Variants in MIF4GD observed in about 807,000 individuals in gnomAD.
MIF4GD encodes the protein MIF4G domain containing.
In MIF4GD, 22 loss-of-function variants were observed where a neutral mutation model predicts 26.7. The observed-to-expected ratio is 0.82, with a 90% CI of 0.59 to 1.18. The LOEUF is 1.18. MIF4GD is among the 50% of genes most tolerant of loss of function. MIF4GD has a pLI of 0.00. For missense variants in MIF4GD, 262 were observed against 279.6 expected (o/e 0.94, Z 0.45); for synonymous variants, 137 against 111.6 (o/e 1.23, Z -1.43).
Position 75,270,408 on chromosome 17 carries a change from G to C in MIF4GD, c.-50-163C>G. 5 of 568,446 alleles carry C rather than the reference G, an allele frequency of 8.8e-6. No homozygotes were observed. The South Asian group carries it at 9.7e-5, about 11-fold the overall frequency. 35.2% of individuals were successfully genotyped at this position (568,446 alleles called of 1,614,324 possible). A position where few individuals can be genotyped will look rare whatever the true frequency, so the allele number is the denominator to read the frequency against. ...AGGCCCACCAGGCTTGGCTTCTGGTGGGGACTGGGCATCAGCCAGGCACCT... is the reference window on the plus strand; with the variant it reads ...AGGCCCACCAGGCTTGGCTTCTGGTCGGGACTGGGCATCAGCCAGGCACCT... On this transcript the variant is annotated intron_variant, in intron 1 of 5. Transcript: ENST00000325102. This position sits in a 1 kb window ranked among gnomAD's most constrained non-coding sequence, Gnocchi z 5.7.
rs774469537 is a variant in MIF4GD at position 75,266,744 on chromosome 17, T to A, written c.665A>T (p.Asp222Val). Residue 222 changes from aspartate to valine, a missense_variant, in exon 6 of 6, where the codon GAC becomes GTC. Transcript: ENST00000325102. ...AGGAAGCCCTGATCTGGAGGCCTAG[T>A]CGGAGACTTCGCTGTAGTAATACTT... ...AHKYYYSEVS[D>V] is the part of the protein sequence containing the mutation. 3 of 1,614,180 alleles carry A rather than the reference T, an allele frequency of 1.9e-6. No individual in the cohort carries two copies. In the East Asian group the frequency reaches 6.7e-5, roughly 36 times the overall value.
Position 75,266,460 on chromosome 17 carries a change from G to A in MIF4GD, c.*280C>T. On this transcript the variant is annotated 3_prime_UTR_variant, in exon 6 of 6. Coordinates refer to ENST00000325102, the MANE Select transcript of MIF4GD (RefSeq NM_001370592.1). ...CCCATTTTACAGATGGGTAAACTGAGGCACCAAGGTAGTAGTTGCACTAAT... is the reference window on the plus strand; with the variant it reads ...CCCATTTTACAGATGGGTAAACTGAAGCACCAAGGTAGTAGTTGCACTAAT... The A allele has an allele frequency of 2.0e-6, 1 of 509,130 alleles. No homozygotes were observed. The highest frequency in any genetic ancestry group is 3.6e-6 in the Non-Finnish European group (1 of 278,948). 31.5% of individuals were successfully genotyped at this position (509,130 alleles called of 1,614,324 possible).
At position 75,266,462 on chromosome 17, in the gene MIF4GD, C is replaced by T; in HGVS notation, c.*278G>A. ...CATTTTACAGATGGGTAAACTGAGG[C>T]ACCAAGGTAGTAGTTGCACTAATGG... On this transcript the variant is annotated 3_prime_UTR_variant, in exon 6 of 6. Transcript: ENST00000325102. 1.9e-6 allele frequency: 1 copy of T among 513,390 alleles called. No homozygotes were observed. The highest frequency in any genetic ancestry group is 2.2e-5 in the South Asian group (1 of 45,514). The allele number at this position is 513,390 out of a possible 1,614,324, so 31.8% of individuals were successfully genotyped here. A position where few individuals can be genotyped will look rare whatever the true frequency, so the allele number is the denominator to read the frequency against.
chr17:75,266,254 A>G lies in MIF4GD; in HGVS notation c.*486T>C, dbSNP rs2077481485. On this transcript the variant is annotated 3_prime_UTR_variant, in exon 6 of 6. Transcript: ENST00000325102. ...TTTAGTATCAGAAAAGATTTATTAG[A>G]AAATTCTCACGCTGAACTGGTGTAG... 2 of 392,098 alleles carry G rather than the reference A, an allele frequency of 5.1e-6. No individual in the cohort carries two copies. Among genetic ancestry groups the G allele is most frequent in the Non-Finnish European group, 9.4e-6 (2 of 212,520 alleles). The allele number at this position is 392,098 out of a possible 1,614,324, so 24.3% of individuals were successfully genotyped here. A position where few individuals can be genotyped will look rare whatever the true frequency, so the allele number is the denominator to read the frequency against.
intron 2 of MIF4GD, chr17:75,269,357 C>G (rs892814556): frequency 1.2e-6 from 2 of 1,613,996 alleles, no homozygotes; most frequent in Admixed American, 3.3e-5. Flanking sequence ...CTCTGTACTG[C>G]GTGTTACAGC....
In MIF4GD at chr17:75,266,953, C is replaced by G. The variant is rs2077507622; in HGVS notation, c.456G>C (p.Val152=). Residue 152 remains valine, a synonymous_variant, in exon 6 of 6, where the codon GTG becomes GTC. Coordinates refer to ENST00000325102, the MANE Select transcript of MIF4GD (RefSeq NM_001370592.1). ...GCTCCCCAACCCGGTGCAGCTGCAG[C>G]ACCAAACAGTCCACCTGCAGGCGAC... ...LSKEEEVDCL[V]LQLHRVGEQL... is the part of the protein sequence containing the mutation. 1.2e-6 allele frequency: 2 copies of G among 1,613,814 alleles called. No homozygotes were observed. Among genetic ancestry groups the G allele is most frequent in the African/African-American group, 2.7e-5 (2 of 75,058 alleles).
chr17:75,267,863 AC>A lies in MIF4GD; in HGVS notation c.230del (p.Arg77LeufsTer39). 1 of 1,613,772 alleles carries A rather than the reference AC, an allele frequency of 6.2e-7. No individual in the cohort carries two copies. Among genetic ancestry groups the A allele is most frequent in the African/African-American group, 1.3e-5 (1 of 75,076 alleles). On this transcript the variant is annotated frameshift_variant, in exon 4 of 6. Coordinates refer to ENST00000325102, the MANE Select transcript of MIF4GD (RefSeq NM_001370592.1). LOFTEE classifies it high-confidence loss of function. The stretch of plus-strand genomic sequence containing the variant: ...CCTGCTGCAGCCGGTTGAGGAGTCC[AC>A]GTCGGAAGACACTCTGGCCTGCTTG... ...SKQAGQSVFR[R>X]GLLNRLQQEY...
Position 75,266,638 on chromosome 17 carries a change from C to G in MIF4GD, c.*102G>C, listed in dbSNP as rs2077492658. On this transcript the variant is annotated 3_prime_UTR_variant, in exon 6 of 6. Coordinates refer to ENST00000325102, the MANE Select transcript of MIF4GD (RefSeq NM_001370592.1). ...GTCTAGAAGGGAAGACACTCAAAGT[C>G]TGGAAGGGAAAAGTCTTTGGGTGAG... is the stretch of plus-strand genomic sequence containing the variant. The G allele has an allele frequency of 2.8e-6, 3 of 1,087,910 alleles. No homozygotes were observed. The East Asian group carries it at 7.2e-5, about 26-fold the overall frequency. The allele number at this position is 1,087,910 out of a possible 1,614,324, so 67.4% of individuals were successfully genotyped here. A position where few individuals can be genotyped will look rare whatever the true frequency, so the allele number is the denominator to read the frequency against.
Position 75,266,568 on chromosome 17 carries a change from AG to A in MIF4GD, c.*171del. The A allele has an allele frequency of 1.5e-6, 1 of 676,412 alleles. No homozygotes were observed. The highest frequency in any genetic ancestry group is 2.5e-6 in the Non-Finnish European group (1 of 393,852). 41.9% of individuals were successfully genotyped at this position (676,412 alleles called of 1,614,324 possible). ...TGTGGTGGGGAAAGGGGCTCAGGGC[AG>A]GACCACGGCATAAGTGGGAAACATC... is the stretch of plus-strand genomic sequence containing the variant. On this transcript the variant is annotated 3_prime_UTR_variant, in exon 6 of 6. Transcript: ENST00000325102.
At position 75,267,787 on chromosome 17, in the gene MIF4GD, A is replaced by C. The variant is rs759605744; in HGVS notation, c.307T>G (p.Cys103Gly). Residue 103 changes from cysteine to glycine, a missense_variant, in exon 4 of 6, where the codon TGC becomes GGC. By Grantham distance (159) the Cys-to-Gly change is radical (BLOSUM62 -3). Coordinates refer to ENST00000325102, the MANE Select transcript of MIF4GD (RefSeq NM_001370592.1). ...ATGTTGCAGATAAAGGTGACATAGCAGACCCAGCCCTGCAGGGAGCGTGCT... is the reference window on the plus strand; with the variant it reads ...ATGTTGCAGATAAAGGTGACATAGCCGACCCAGCCCTGCAGGGAGCGTGCT... Reference protein sequence around the residue: ...LRARSLQGWVCYVTFICNIFD... With the variant: ...LRARSLQGWVGYVTFICNIFD... The C allele has an allele frequency of 6.2e-7, 1 of 1,614,012 alleles. No homozygotes were observed. The highest frequency in any genetic ancestry group is 1.1e-5 in the South Asian group (1 of 91,090).
rs2077491551 is a variant in MIF4GD, at chr17:75,266,609, GA to G, written c.*130del. On this transcript the variant is annotated 3_prime_UTR_variant, in exon 6 of 6. Coordinates refer to ENST00000325102, the MANE Select transcript of MIF4GD (RefSeq NM_001370592.1). ...TGGGAAACATCTCACCAGGAGATGG[GA>G]AAGTCTAGAAGGGAAGACACTCAAA... 10 of 831,784 alleles carry G rather than the reference GA, an allele frequency of 1.2e-5. No individual in the cohort carries two copies. In the South Asian group the frequency reaches 1.6e-4, roughly 13 times the overall value. 51.5% of individuals were successfully genotyped at this position (831,784 alleles called of 1,614,324 possible).
Position 75,267,529 on chromosome 17 carries a change from G to A in MIF4GD, c.441+9C>T, listed in dbSNP as rs1204544875. On this transcript the variant is annotated intron_variant, in intron 5 of 5. Transcript: ENST00000325102. ...CTTCTGTGCTTGTGCCAGGGCTGGG[G>A]CCACCCACCTCCTCCTCCTTGCTCA... 5 of 1,613,856 alleles carry A rather than the reference G, an allele frequency of 3.1e-6. No homozygotes were observed. The South Asian group carries it at 5.5e-5, about 18-fold the overall frequency.
chr17:75,267,203 C>G (rs1367891460), intron 5 of MIF4GD, among the ~76,000 whole-genome samples: 1 of 152,234 alleles, frequency 6.6e-6, no homozygotes, highest in Non-Finnish European at 1.5e-5. Flanking sequence ...CTTCTTCATC[C>G]CACTCTCCTG....
chr17:75,266,682 G>T lies in MIF4GD; in HGVS notation c.*58C>A. On this transcript the variant is annotated 3_prime_UTR_variant, in exon 6 of 6. Coordinates refer to ENST00000325102, the MANE Select transcript of MIF4GD (RefSeq NM_001370592.1). ...GGGTGAGGCAGAGACTCCACTGCCAGCTTTAGAGGTGGGTAGAAGAAAGGC... is the reference window on the plus strand; with the variant it reads ...GGGTGAGGCAGAGACTCCACTGCCATCTTTAGAGGTGGGTAGAAGAAAGGC... 1 of 1,527,932 alleles carries T rather than the reference G, an allele frequency of 6.5e-7. No homozygotes were observed. Among genetic ancestry groups the T allele is most frequent in the Non-Finnish European group, 9.1e-7 (1 of 1,102,016 alleles). 94.6% of individuals were successfully genotyped at this position (1,527,932 alleles called of 1,614,324 possible).
chr17:75,270,262 A>C lies in MIF4GD; in HGVS notation c.-50-17T>G. 3 of 1,414,328 alleles carry C rather than the reference A, an allele frequency of 2.1e-6. No individual in the cohort carries two copies. The highest frequency in any genetic ancestry group is 3.0e-6 in the Non-Finnish European group (3 of 1,000,564). The allele number at this position is 1,414,328 out of a possible 1,614,324, so 87.6% of individuals were successfully genotyped here. A position where few individuals can be genotyped will look rare whatever the true frequency, so the allele number is the denominator to read the frequency against. ...GGACAGCACCTGAGGAGAAGAGGCG[A>C]AGGGAGCGGCCTCAGGTGTGGAGCG... On this transcript the variant is annotated splice_polypyrimidine_tract_variant and intron_variant, in intron 1 of 5. Transcript: ENST00000325102. The surrounding 1 kb of genome is among the most constrained non-coding windows in gnomAD (Gnocchi z 5.7).
At position 75,268,298 on chromosome 17, in the gene MIF4GD, G is replaced by A. The variant is rs564003681; in HGVS notation, c.83-106C>T. Reference sequence around the variant, plus strand: ...TTTACAGTAGAGCACTCATATGCTTGAAGTGAAAGAGATCAGAAATCATAC... The same window carrying A: ...TTTACAGTAGAGCACTCATATGCTTAAAGTGAAAGAGATCAGAAATCATAC... On this transcript the variant is annotated intron_variant, in intron 2 of 5. Transcript: ENST00000325102. 3.6e-6 allele frequency: 3 copies of A among 824,832 alleles called. No homozygotes were observed. In the East Asian group the frequency reaches 7.7e-5, roughly 21 times the overall value. 51.1% of individuals were successfully genotyped at this position (824,832 alleles called of 1,614,324 possible). A position where few individuals can be genotyped will look rare whatever the true frequency, so the allele number is the denominator to read the frequency against.
rs781551814 is a variant in MIF4GD at position 75,267,824 on chromosome 17, C to G, written c.270G>C (p.Arg90=). ...GCAGGGAGCGTGCTCGCAGCTGCTC[C>G]CGAGCCTGGTACTCCTGCTGCAGCC... ...LNRLQQEYQA[R]EQLRARSLQG... is the part of the protein sequence containing the mutation. Residue 90 remains arginine (R), a synonymous_variant, in exon 4 of 6, where the codon CGG becomes CGC. Coordinates refer to ENST00000325102, the MANE Select transcript of MIF4GD (RefSeq NM_001370592.1). 1 of 1,614,066 alleles carries G rather than the reference C, an allele frequency of 6.2e-7. No individual in the cohort carries two copies. Among genetic ancestry groups the G allele is most frequent in the Non-Finnish European group, 8.5e-7 (1 of 1,180,032 alleles).
chr17:75,269,474 G>C (rs1171086749), intron 2 of MIF4GD: 2 of 1,612,014 alleles, frequency 1.2e-6, no homozygotes, highest in Middle Eastern at 1.7e-4. Context: ...ACGGGGCTAT[G>C]GCAGCACAGA....
Position 75,270,157 on chromosome 17 carries a change from G to A in MIF4GD, c.39C>T (p.Ser13=). Residue 13 remains serine, a synonymous_variant, in exon 2 of 6, where the codon TCC becomes TCT. Coordinates refer to ENST00000325102, the MANE Select transcript of MIF4GD (RefSeq NM_001370592.1). The surrounding 1 kb of genome is among the most constrained non-coding windows in gnomAD (Gnocchi z 5.7). ...GCAGCTGCTGGGTCTCTGCATCAAA[G>A]GACTGGATTTTATACTCCTCTCTAC... ...EPSREEYKIQ[S]FDAETQQLLK... The A allele has an allele frequency of 6.2e-7, 1 of 1,614,106 alleles. No homozygotes were observed. The highest frequency in any genetic ancestry group is 1.1e-5 in the South Asian group (1 of 91,090).
Sources: allele counts gnomAD v4.1 joint callset (sites outside exome capture counted in the v4.1 genomes callset), GRCh38; gene constraint gnomAD v4.1.1; non-coding constraint Gnocchi (gnomAD v3.1); transcripts MANE v1.5; gene names NCBI Gene and HGNC (gene_info 2026-07-23, HGNC 2026-07-21).